DCAF8L2: variants seen among roughly 807,000 people sequenced by gnomAD.
DCAF8L2 encodes the protein DDB1- and CUL4-associated factor 8-like protein 2.
For synonymous variants in DCAF8L2, 200 were observed against 190.9 expected (o/e 1.05, Z -0.39); for missense variants, 430 against 490.7 (o/e 0.88, Z 1.17).
At chrX:27,494,458 A>G in the DCAF8L2 span, among the ~76,000 whole-genome samples, 1 of 112,181 alleles carries the variant, frequency 8.9e-6, no homozygotes, top group African/African-American at 3.2e-5. Flanking sequence ...CTATTGTTCA[A>G]TCCTATGCAC....
At chrX:27,664,360 C>T (rs1355264864) in intron 2 of DCAF8L2, among the ~76,000 whole-genome samples, 1 of 111,664 alleles carries the variant, frequency 9.0e-6, no homozygotes, top group African/African-American at 3.3e-5. Context: ...CAGACCAAGG[C>T]TTTAACGCTC....
At chrX:27,574,254 G>T in the DCAF8L2 span, among the ~76,000 whole-genome samples, 6 of 111,459 alleles carry the variant, frequency 5.4e-5, no homozygotes, top group African/African-American at 2.0e-4. Flanking sequence ...AGTACAGGAA[G>T]AACAAATATG....
At chrX:27,673,793 A>C (rs1460703296) in intron 2 of DCAF8L2, among the ~76,000 whole-genome samples, 1 of 109,936 alleles carries the variant, frequency 9.1e-6, no homozygotes, top group African/African-American at 3.3e-5. Flanking sequence ...TATTTTTCAT[A>C]ACAACCCTTC....
At chrX:27,495,644 T>C in the DCAF8L2 span, among the ~76,000 whole-genome samples, 1 of 112,193 alleles carries the variant, frequency 8.9e-6, no homozygotes, top group Non-Finnish European at 1.9e-5. Context: ...TTTTCAGATA[T>C]CATGAATAAT....
the DCAF8L2 span, among the ~76,000 whole-genome samples, chrX:27,579,271 G>C: frequency 1.3e-4 from 14 of 111,448 alleles, no homozygotes; most frequent in East Asian, 3.7e-3. Context: ...CATGGATGGA[G>C]CTGGAAGCCA....
intron 2 of DCAF8L2, among the ~76,000 whole-genome samples, chrX:27,645,543 A>G (rs1232323854): frequency 3.6e-5 from 4 of 112,027 alleles, no homozygotes; most frequent in Non-Finnish European, 7.5e-5. Context: ...CTTATTCAAC[A>G]TAGTGTTGGA....
At chrX:27,511,663 A>C in the DCAF8L2 span, among the ~76,000 whole-genome samples, 1 of 112,290 alleles carries the variant, frequency 8.9e-6, no homozygotes, top group South Asian at 3.7e-4. Context: ...ATTGCATAGC[A>C]ACCTTGAGGA....
the DCAF8L2 span, among the ~76,000 whole-genome samples, chrX:27,573,939 C>A: frequency 9.1e-6 from 1 of 110,427 alleles, no homozygotes; most frequent in South Asian, 3.9e-4. Flanking sequence ...AAGTAATCTT[C>A]CTGACTCAGC....
chrX:27,718,332 G>A (rs1241600829), intron 4 of DCAF8L2, among the ~76,000 whole-genome samples: 2 of 111,895 alleles, frequency 1.8e-5, no homozygotes, highest in African/African-American at 3.2e-5. Flanking sequence ...ATTCATTCAT[G>A]TTTTTGTGTA....
intron 2 of DCAF8L2, among the ~76,000 whole-genome samples, chrX:27,668,099 G>A (rs990627707): frequency 1.8e-5 from 2 of 111,906 alleles, no homozygotes; most frequent in African/African-American, 6.5e-5. Context: ...CCCTTTCCAC[G>A]TAAGCCATCA....
intron 1 of DCAF8L2, among the ~76,000 whole-genome samples, chrX:27,610,668 C>T (rs1004308879): frequency 3.6e-5 from 4 of 111,710 alleles, no homozygotes; most frequent in African/African-American, 9.8e-5. Flanking sequence ...CAAGAGAGTA[C>T]ATCAAAAGCA....
the DCAF8L2 span, among the ~76,000 whole-genome samples, chrX:27,542,888 C>T: frequency 1.8e-5 from 2 of 111,065 alleles, no homozygotes; most frequent in African/African-American, 6.5e-5. Context: ...GATACTAGAC[C>T]TTTGTTGGAT....
At chrX:27,569,246 GAT>G in the DCAF8L2 span, among the ~76,000 whole-genome samples, 2 of 111,089 alleles carry the variant, frequency 1.8e-5, no homozygotes, top group Non-Finnish European at 3.8e-5. Context: ...TTAAAAATGA[GAT>G]ATATTTTTAT....
At chrX:27,600,505 G>A (rs369977490) in intron 1 of DCAF8L2, among the ~76,000 whole-genome samples, 13 of 111,865 alleles carry the variant, frequency 1.2e-4, no homozygotes, top group South Asian at 3.7e-4. Context: ...ATGTCACACT[G>A]TAGATATCAG....
chrX:27,640,308 T>C (rs1419199903), intron 2 of DCAF8L2, among the ~76,000 whole-genome samples: 5 of 112,610 alleles, frequency 4.4e-5, no homozygotes, highest in Non-Finnish European at 7.5e-5. Context: ...TCTGTCACTG[T>C]ACTTTTACCT....
the DCAF8L2 span, among the ~76,000 whole-genome samples, chrX:27,489,218 C>T: frequency 2.7e-5 from 3 of 111,688 alleles, no homozygotes; most frequent in Non-Finnish European, 3.8e-5. Context: ...CTGCCTCAGC[C>T]TCCCGAGTAG....
chrX:27,680,501 A>G (rs939248735), intron 3 of DCAF8L2, among the ~76,000 whole-genome samples: 1 of 111,909 alleles, frequency 8.9e-6, no homozygotes, highest in African/African-American at 3.2e-5. Flanking sequence ...ATTTTAAAAA[A>G]TATCTTAAGT....
intron 1 of DCAF8L2, among the ~76,000 whole-genome samples, chrX:27,594,820 A>G (rs1926277287): frequency 8.9e-6 from 1 of 111,986 alleles, no homozygotes. Flanking sequence ...GTCAATTTCA[A>G]AGTAAAATAC....
chrX:27,727,244 T>C (rs1194487901), intron 4 of DCAF8L2, among the ~76,000 whole-genome samples: 1 of 111,665 alleles, frequency 9.0e-6, no homozygotes, highest in African/African-American at 3.2e-5. Flanking sequence ...CTTCCAACTT[T>C]TTTCATTAAT....
Sources: gnomAD v4.1 joint callset for allele counts (sites outside exome capture counted in the v4.1 genomes callset) on GRCh38, gnomAD v4.1.1 for gene constraint, MANE v1.5 for transcripts, NCBI Gene and HGNC (gene_info 2026-07-23, HGNC 2026-07-21) for gene names.